The following FHIT variants were observed in gnomAD, a reference collection of about 807,000 sequenced individuals.
FHIT encodes the protein fragile histidine triad diadenosine triphosphatase, also known as bis(5'-adenosyl)-triphosphatase.
Under a neutral mutation model 17.9 loss-of-function variants are expected in FHIT, and 19 were observed. The observed-to-expected ratio is 1.06, with a 90% CI of 0.74 to 1.56. The LOEUF (loss-of-function observed/expected upper bound fraction) is 1.56. Ranked by LOEUF, FHIT falls within the 40% of genes most tolerant of loss-of-function variation. FHIT has a pLI of 0.00. For missense variants in FHIT, 248 were observed against 189.2 expected, an observed-to-expected ratio of 1.31 and a Z score of -1.82; for synonymous variants, 81 against 69.7, an observed-to-expected ratio of 1.16 and a Z score of -0.81.
At chr3:60,615,379 G>T (rs2107740387) in intron 4 of FHIT, among the ~76,000 whole-genome samples, 1 of 152,234 alleles carries the variant, frequency 6.6e-6, no homozygotes, top group South Asian at 2.1e-4. Flanking sequence ...TGATTCCGTG[G>T]GCTGAATGTA....
intron 3 of FHIT, among the ~76,000 whole-genome samples, chr3:61,032,817 T>C (rs1279711487): frequency 6.6e-6 from 1 of 152,194 alleles, no homozygotes; most frequent in African/African-American, 2.4e-5. Context: ...CATGCCATTA[T>C]GGAGGCTGAG....
intron 1 of FHIT, among the ~76,000 whole-genome samples, chr3:61,236,832 A>G (rs964740724): frequency 3.7e-4 from 57 of 152,286 alleles, no homozygotes; most frequent in African/African-American, 1.3e-3. Flanking sequence ...GGACTGCTGC[A>G]TATGCTTCCT....
At chr3:60,961,547 GT>G (rs1340110023) in intron 3 of FHIT, among the ~76,000 whole-genome samples, 1 of 152,020 alleles carries the variant, frequency 6.6e-6, no homozygotes, top group African/African-American at 2.4e-5. Context: ...TTCTTCTAGG[GT>G]TTTATGGTTT....
intron 2 of FHIT, among the ~76,000 whole-genome samples, chr3:61,066,834 G>C (rs2034627955): frequency 6.6e-6 from 1 of 152,198 alleles, no homozygotes; most frequent in East Asian, 1.9e-4. Context: ...GAAAGAAAGA[G>C]ATGAGACAGT....
chr3:60,618,445 C>T (rs1272547930), intron 4 of FHIT, among the ~76,000 whole-genome samples: 2 of 152,104 alleles, frequency 1.3e-5, no homozygotes, highest in Non-Finnish European at 2.9e-5. Context: ...AGCAGCACCC[C>T]TCCAACAGGC....
In FHIT at chr3:60,483,468, A is replaced by T. The variant is rs1475257259; in HGVS notation, c.103+53392T>A. Among the ~76,000 whole-genome samples the T allele has an allele frequency of 3.3e-5, 5 of 152,188 alleles. 1 individual carries two copies. The highest frequency in any genetic ancestry group is 3.3e-4 in the Admixed American group (5 of 15,282). ...AACCAAATCTAGCAGCACATCAAAA[A>T]ACTTATCCACCACGATCAAGTCAGC... On this transcript the variant is annotated intron_variant, in intron 5 of 9. Coordinates refer to ENST00000492590, the MANE Select transcript of FHIT (RefSeq NM_002012.4).
chr3:59,806,960 G>C (rs1700229174), intron 8 of FHIT, among the ~76,000 whole-genome samples: 2 of 152,084 alleles, frequency 1.3e-5, no homozygotes, highest in African/African-American at 4.8e-5. Context: ...TCCAGAAACA[G>C]AACAGTGATA....
chr3:60,004,201 C>T (rs996915736), intron 7 of FHIT, among the ~76,000 whole-genome samples: 5 of 152,070 alleles, frequency 3.3e-5, no homozygotes, highest in Non-Finnish European at 1.5e-5. Flanking sequence ...TTTGACTTCA[C>T]AGTGATTAAG....
chr3:61,052,790 G>T (rs978930282), intron 2 of FHIT, among the ~76,000 whole-genome samples: 1 of 152,032 alleles, frequency 6.6e-6, no homozygotes, highest in Non-Finnish European at 1.5e-5. Flanking sequence ...TTTATAATAA[G>T]GTTCCAAGAT....
intron 8 of FHIT, among the ~76,000 whole-genome samples, chr3:59,921,144 T>C (rs1057199976): frequency 5.9e-5 from 9 of 152,212 alleles, no homozygotes; most frequent in South Asian, 4.1e-4. Flanking sequence ...GTAAGGGTTA[T>C]CCTAAAGGCA....
chr3:60,823,711 C>T (rs1383136621), intron 3 of FHIT, among the ~76,000 whole-genome samples: 1 of 152,182 alleles, frequency 6.6e-6, no homozygotes, highest in African/African-American at 2.4e-5. Flanking sequence ...TTAAGCCACT[C>T]AGTATATGGT....
intron 5 of FHIT, among the ~76,000 whole-genome samples, chr3:60,209,607 T>G (rs1703357417): frequency 6.6e-6 from 1 of 152,172 alleles, no homozygotes; most frequent in South Asian, 2.1e-4. Flanking sequence ...GAAAGTTGTG[T>G]GACCCAGTTT....
chr3:60,544,096 A>C (rs1393788976), intron 4 of FHIT, among the ~76,000 whole-genome samples: 1 of 151,546 alleles, frequency 6.6e-6, no homozygotes, highest in African/African-American at 2.4e-5. Flanking sequence ...ACTTAGAAAT[A>C]ATGATAATCA....
intron 5 of FHIT, among the ~76,000 whole-genome samples, chr3:60,506,663 T>A (rs2034743862): frequency 6.6e-6 from 1 of 152,106 alleles, no homozygotes; most frequent in African/African-American, 2.4e-5. Context: ...TAAACGTATG[T>A]GTGTGGTCTG....
chr3:60,574,674 A>T (rs1256951422), intron 4 of FHIT, among the ~76,000 whole-genome samples: 1 of 152,096 alleles, frequency 6.6e-6, no homozygotes, highest in African/African-American at 2.4e-5. Flanking sequence ...TAACACTTTG[A>T]AACAAAGGGC....
intron 5 of FHIT, among the ~76,000 whole-genome samples, chr3:60,188,443 C>T (rs1238169565): frequency 6.6e-6 from 1 of 151,902 alleles, no homozygotes; most frequent in Non-Finnish European, 1.5e-5. Context: ...TTATACACAA[C>T]CAAGAGTTTA....
intron 5 of FHIT, among the ~76,000 whole-genome samples, chr3:60,214,365 A>C (rs979155858): frequency 6.6e-6 from 1 of 152,160 alleles, no homozygotes; most frequent in Non-Finnish European, 1.5e-5. Context: ...GATTTTACAA[A>C]GGAAAGCTTT....
At chr3:59,975,398 A>G (rs913503892) in intron 7 of FHIT, among the ~76,000 whole-genome samples, 4 of 152,142 alleles carry the variant, frequency 2.6e-5, no homozygotes, top group Admixed American at 2.0e-4. Flanking sequence ...AAGGGCTACT[A>G]TGAAATGTAA....
intron 1 of FHIT, among the ~76,000 whole-genome samples, chr3:61,217,868 A>AT (rs1171630987): frequency 6.6e-6 from 1 of 152,218 alleles, no homozygotes; most frequent in African/African-American, 2.4e-5. Context: ...ACTAAATATG[A>AT]TTTTTAAAAT....
Sources: allele counts gnomAD v4.1 joint callset (sites outside exome capture counted in the v4.1 genomes callset), GRCh38; gene constraint gnomAD v4.1.1; transcripts MANE v1.5; gene names NCBI Gene and HGNC (gene_info 2026-07-23, HGNC 2026-07-21).